The following SLC2A14 variants were observed in gnomAD, a reference collection of about 807,000 sequenced individuals.
SLC2A14 encodes solute carrier family 2, facilitated glucose transporter member 14.
SLC2A14 carries 13 observed loss-of-function variants against 43.0 expected under a neutral mutation model. The ratio of observed to expected loss-of-function variants is 0.30; its 90% CI spans 0.20 to 0.48. SLC2A14 has a LOEUF of 0.48. SLC2A14 is among the 20% of genes least tolerant of loss of function. The probability of loss-of-function intolerance (pLI) is 0.99; values close to 1 mark genes in which losing one functional copy is unlikely to be tolerated. For missense variants in SLC2A14, 428 were observed against 620.4 expected, an observed-to-expected ratio of 0.69 and a Z score of 3.29; for synonymous variants, 190 against 233.8, an observed-to-expected ratio of 0.81 and a Z score of 1.71.
At chr12:7,861,851 A>C (rs1944576778) in intron 2 of SLC2A14, among the ~76,000 whole-genome samples, 1 of 151,452 alleles carries the variant, frequency 6.6e-6, no homozygotes. Flanking sequence ...AATCCCACCT[A>C]CTCGGGAGGC....
intron 1 of SLC2A14, among the ~76,000 whole-genome samples, chr12:7,884,581 G>A (rs1945655960): frequency 6.6e-6 from 1 of 152,038 alleles, no homozygotes; most frequent in Non-Finnish European, 1.5e-5. Flanking sequence ...TCAGCTAACT[G>A]GAGCAACAGC....
upstream of SLC2A14, chr12:7,873,263 A>G (rs1227636703): frequency 1.0e-6 from 1 of 985,490 alleles, no homozygotes; most frequent in Non-Finnish European, 1.2e-6. Flanking sequence ...CGAGCCCCTC[A>G]CCGCCTGCAG....
At chr12:7,836,956 C>G (rs1305928853) in intron 2 of SLC2A14, among the ~76,000 whole-genome samples, 2 of 151,980 alleles carry the variant, frequency 1.3e-5, no homozygotes, top group Admixed American at 6.6e-5. Context: ...ATCACAAGAT[C>G]AGGAGTTCAA....
chr12:7,822,304 AT>A (rs2120696539), intron 7 of SLC2A14, among the ~76,000 whole-genome samples: 1 of 151,828 alleles, frequency 6.6e-6, no homozygotes, highest in East Asian at 2.0e-4. Flanking sequence ...ACTAATGTCC[AT>A]TGTTGCTTCT....
rs1363721718 is a variant in SLC2A14 at position 7,827,085 on chromosome 12, T to TC, written c.864+409_864+410insG. Among the ~76,000 whole-genome samples the TC allele has an allele frequency of 4.9e-5, 6 of 122,236 alleles. No homozygotes were observed. The East Asian group carries it at 1.0e-3, about 21-fold the overall frequency. The allele number at this position is 122,236 out of a possible 152,430, so 80.2% of individuals were successfully genotyped here. On this transcript the variant is annotated intron_variant, in intron 7 of 10. Transcript: ENST00000431042. Reference sequence around the variant, plus strand: ...TCTTTCTCTCTCTCTCTTTCTTTCTTTCTTTCTTTCTCTTTCTTTCTTTCT... The same window carrying TC: ...TCTTTCTCTCTCTCTCTTTCTTTCTTCTCTTTCTTTCTCTTTCTTTCTTTCT...
chr12:7,890,918 A>T, intron 1 of SLC2A14: 8 of 1,450,162 alleles, frequency 5.5e-6, no homozygotes, highest in Non-Finnish European at 7.3e-6. Context: ...CAGGAGGGCA[A>T]GTTTTTCCCT....
intron 2 of SLC2A14, among the ~76,000 whole-genome samples, chr12:7,840,628 C>T (rs1271781233): frequency 3.9e-5 from 6 of 152,110 alleles, no homozygotes; most frequent in Non-Finnish European, 5.9e-5. Flanking sequence ...TCAGGTGATC[C>T]GCCCACCTGG....
chr12:7,884,256 G>A lies in SLC2A14; in HGVS notation c.132+6740C>T, dbSNP rs149252370. ...TTCAACATCACACTATGTGCTATAA[G>A]TTTGAACTCTTTCTTTCACATAATT... On this transcript the variant is annotated intron_variant, in intron 1 of 9. Transcript: ENST00000539924. 9.3e-3 allele frequency among the ~76,000 whole-genome samples: 1,420 copies of A among 152,218 alleles called. 14 individuals are homozygous for A. Among genetic ancestry groups the A allele is most frequent in the Non-Finnish European group, 0.015 (1,022 of 68,016 alleles).
At chr12:7,850,833 T>C (rs898605818) in intron 2 of SLC2A14, 2 of 152,186 alleles carry the variant, frequency 1.3e-5, no homozygotes, top group African/African-American at 4.8e-5. Flanking sequence ...AGGAAAATCT[T>C]AGGGCTTTTT....
At chr12:7,873,359 G>T, upstream of SLC2A14, 1 of 985,364 alleles carries the variant, frequency 1.0e-6, no homozygotes, top group Non-Finnish European at 1.2e-6. Context: ...GAGTTATTTC[G>T]GGCCGCGCAC....
At chr12:7,890,823 T>G in intron 1 of SLC2A14, 1 of 561,244 alleles carries the variant, frequency 1.8e-6, no homozygotes, top group Non-Finnish European at 2.9e-6. Context: ...ACCTGCCCTT[T>G]GGACAGCTGC....
intron 2 of SLC2A14, among the ~76,000 whole-genome samples, chr12:7,859,291 G>A (rs1944415169): frequency 1.3e-5 from 2 of 152,126 alleles, no homozygotes; most frequent in African/African-American, 4.8e-5. Context: ...TCAGGAGGCT[G>A]AGGCAGGAGA....
intron 2 of SLC2A14, among the ~76,000 whole-genome samples, chr12:7,844,704 T>C (rs1866312628): frequency 6.7e-6 from 1 of 150,308 alleles, no homozygotes; most frequent in South Asian, 2.1e-4. Flanking sequence ...ATCCAGCTAA[T>C]TTTTACATTT....
chr12:7,816,166 G>A lies in SLC2A14; in HGVS notation c.1276-1632C>T, dbSNP rs1349603913. Among the ~76,000 whole-genome samples, 6 of 59,660 alleles carry A rather than the reference G, an allele frequency of 1.0e-4. 1 individual carries two copies. The highest frequency in any genetic ancestry group is 2.0e-4 in the Non-Finnish European group (6 of 30,156). 39.1% of individuals were successfully genotyped at this position (59,660 alleles called of 152,430 possible). On this transcript the variant is annotated intron_variant, in intron 10 of 10. Transcript: ENST00000431042. ...AGGCCGGACTGCGGACTGCAGTGGC[G>A]CAATCTCGGCTCACTGCAAGCTCCG...
chr12:7,831,791 A>G (rs1452040543), intron 3 of SLC2A14, 27 bp from the exon 4 acceptor site: 1 of 1,613,070 alleles, frequency 6.2e-7, no homozygotes, highest in South Asian at 1.1e-5. Flanking sequence ...GGGAGGACAG[A>G]CTATTACAGT....
At chr12:7,873,183 C>T (rs1412444343), upstream of SLC2A14, 1 of 985,644 alleles carries the variant, frequency 1.0e-6, no homozygotes, top group Non-Finnish European at 1.2e-6. Context: ...TACGGGGAAA[C>T]AGTTTTGGGA....
rs116318834 is a variant in SLC2A14, at chr12:7,863,800, A to G, written c.18+6063T>C. ...GAAAACTTATCTCCCTATATCAACC[A>G]TCTTCCTTTTTTTTCTTTTTTTCTT... On this transcript the variant is annotated intron_variant, in intron 2 of 10. Coordinates refer to ENST00000431042, the MANE Select transcript of SLC2A14 (RefSeq NM_001286234.2). Among the ~76,000 whole-genome samples the G allele has an allele frequency of 6.2e-3, 853 of 137,072 alleles. 3 individuals are homozygous for G. Among genetic ancestry groups the G allele is most frequent in the African/African-American group, 0.021 (789 of 37,862 alleles). The allele number at this position is 137,072 out of a possible 152,430, so 89.9% of individuals were successfully genotyped here.
intron 7 of SLC2A14, among the ~76,000 whole-genome samples, chr12:7,825,980 T>A (rs189261761): frequency 0.012 from 1,762 of 151,384 alleles, 32 homozygotes; most frequent in African/African-American, 0.04. Flanking sequence ...TTTTTTTTTT[T>A]AAACAGGCAC....
At chr12:7,868,422 AC>A (rs1945041260) in intron 2 of SLC2A14, among the ~76,000 whole-genome samples, 1 of 152,164 alleles carries the variant, frequency 6.6e-6, no homozygotes, top group Non-Finnish European at 1.5e-5. Context: ...GCAGTCTGGA[AC>A]CAAACCTGCA....
Sources: allele counts gnomAD v4.1 joint callset (sites outside exome capture counted in the v4.1 genomes callset), GRCh38; gene constraint gnomAD v4.1.1; transcripts MANE v1.5; gene names NCBI Gene and HGNC (gene_info 2026-07-23, HGNC 2026-07-21).